Variants in NIPSNAP2 observed in about 807,000 individuals in gnomAD.
NIPSNAP2 encodes the protein nipsnap homolog 2, also known as protein NipSnap homolog 2.
In NIPSNAP2, 42 loss-of-function variants were observed where a neutral mutation model predicts 48.4. That is an observed-to-expected ratio of 0.87 (90% CI 0.68 to 1.12). The LOEUF is 1.12. Ranked by LOEUF, NIPSNAP2 falls within the 50% of genes most tolerant of loss-of-function variation. The probability of loss-of-function intolerance (pLI) is 0.00; values close to 1 mark genes in which losing one functional copy is unlikely to be tolerated. For synonymous variants in NIPSNAP2, 158 were observed against 126.6 expected (o/e 1.25, Z -1.67); for missense variants, 314 against 347.3 (o/e 0.90, Z 0.76).
At chr7:55,997,542 T>C in intron 9 of NIPSNAP2, 93 bp downstream of exon 9, 1 of 965,418 alleles carries the variant, frequency 1.0e-6, no homozygotes, top group Non-Finnish European at 1.7e-6. Context: ...TTTGTAATAG[T>C]ATGTTGCTAG....
intron 1 of NIPSNAP2, 48 bp downstream of exon 1, chr7:55,964,749 G>A (rs1160344703): frequency 2.8e-5 from 27 of 962,724 alleles, no homozygotes; most frequent in Non-Finnish European, 3.5e-5. Context: ...GGGCCGCCGC[G>A]AGGCGGAGGG....
chr7:55,995,116 G>T lies in NIPSNAP2; in HGVS notation c.712+128G>T, dbSNP rs1291598775. ...GCAAATCCGACGTCACAGAGGGACA[G>T]TCTGTACGGGGCTGTCTGGAACTAG... On this transcript the variant is annotated intron_variant, in intron 8 of 9. Transcript: ENST00000322090. 11 of 748,626 alleles carry T rather than the reference G, an allele frequency of 1.5e-5. No homozygotes were observed. In the African/African-American group the frequency reaches 1.7e-4, roughly 12 times the overall value. 46.4% of individuals were successfully genotyped at this position (748,626 alleles called of 1,614,324 possible). A position where few individuals can be genotyped will look rare whatever the true frequency, so the allele number is the denominator to read the frequency against.
intron 3 of NIPSNAP2, chr7:55,980,270 A>G (rs1414462209): frequency 4.8e-5 from 8 of 167,468 alleles, no homozygotes; most frequent in African/African-American, 1.7e-4. Context: ...TGTGGTCACT[A>G]TACTGGGTCA....
chr7:55,995,721 G>A (rs927474100), intron 8 of NIPSNAP2, among the ~76,000 whole-genome samples: 1 of 152,180 alleles, frequency 6.6e-6, no homozygotes, highest in African/African-American at 2.4e-5. Context: ...ACCTGTAGCT[G>A]CCCGGAGAGG....
rs1787138096 is a variant in NIPSNAP2, at chr7:55,978,115, T to C, written c.93-11T>C. ...AGTATACTGCGTGACAACACCTTTG[T>C]TATTCCATAGGACATGGACATCTTC... is the stretch of plus-strand genomic sequence containing the variant. On this transcript the variant is annotated splice_polypyrimidine_tract_variant and intron_variant, in intron 1 of 9. Transcript: ENST00000322090. The C allele has an allele frequency of 1.2e-6, 2 of 1,613,868 alleles. No individual in the cohort carries two copies.
At position 55,982,101 on chromosome 7, in the gene NIPSNAP2, A is replaced by G. The variant is rs954731292; in HGVS notation, c.374-109A>G. 4.8e-6 allele frequency: 3 copies of G among 627,256 alleles called. No homozygotes were observed. The Admixed American group carries it at 8.0e-5, about 17-fold the overall frequency. 38.9% of individuals were successfully genotyped at this position (627,256 alleles called of 1,614,324 possible). A position where few individuals can be genotyped will look rare whatever the true frequency, so the allele number is the denominator to read the frequency against. On this transcript the variant is annotated intron_variant, in intron 4 of 9. Coordinates refer to ENST00000322090, the MANE Select transcript of NIPSNAP2 (RefSeq NM_001483.3). ...GGATTACAGGCATGAGCCACCACAC[A>G]CCCAGCCTACAGTTTTGTGCTGTGT...
chr7:55,973,109 GAAAA>G, intron 1 of NIPSNAP2, among the ~76,000 whole-genome samples: 1 of 135,830 alleles, frequency 7.4e-6, no homozygotes, highest in Non-Finnish European at 1.7e-5. Context: ...CTGTCTCAAA[GAAAA>G]AAAAAATACA....
At chr7:55,998,380 A>G (rs1787608728) in intron 9 of NIPSNAP2, among the ~76,000 whole-genome samples, 1 of 151,902 alleles carries the variant, frequency 6.6e-6, no homozygotes, top group African/African-American at 2.4e-5. Flanking sequence ...TTATAATTAT[A>G]TAATTGTATT....
chr7:55,969,855 C>T (rs943323266), intron 1 of NIPSNAP2, among the ~76,000 whole-genome samples: 7 of 151,722 alleles, frequency 4.6e-5, no homozygotes, highest in Non-Finnish European at 8.8e-5. Flanking sequence ...TGGTGGTGGG[C>T]GCCTGTAGTC....
chr7:55,987,588 A>C (rs1787357600), intron 7 of NIPSNAP2, among the ~76,000 whole-genome samples: 1 of 152,184 alleles, frequency 6.6e-6, no homozygotes, highest in African/African-American at 2.4e-5. Context: ...AGATCGCGCC[A>C]CTGCCCTCCA....
At chr7:55,985,575 C>A (rs1384086978) in intron 7 of NIPSNAP2, among the ~76,000 whole-genome samples, 1 of 151,434 alleles carries the variant, frequency 6.6e-6, no homozygotes. Context: ...CCAACCTCTA[C>A]CAAAATAAAT....
chr7:55,967,567 A>T (rs1786922004), intron 1 of NIPSNAP2, among the ~76,000 whole-genome samples: 1 of 151,902 alleles, frequency 6.6e-6, no homozygotes, highest in Admixed American at 6.6e-5. Flanking sequence ...TCCGGACTTA[A>T]GGGATCTTCC....
intron 3 of NIPSNAP2, chr7:55,979,156 T>C (rs550930366): frequency 6.6e-6 from 1 of 152,426 alleles, no homozygotes; most frequent in Admixed American, 6.5e-5. Flanking sequence ...TTTATTGTTT[T>C]GTTTTTGAAG....
chr7:55,987,007 A>AC (rs1272066248), intron 7 of NIPSNAP2, among the ~76,000 whole-genome samples: 6 of 127,898 alleles, frequency 4.7e-5, no homozygotes, highest in Non-Finnish European at 9.1e-5. Context: ...AAAAAAAAAA[A>AC]AAACTTGCCA....
At position 55,983,868 on chromosome 7, in the gene NIPSNAP2, A is replaced by C; in HGVS notation, c.585A>C (p.Arg195=). 1 of 1,612,442 alleles carries C rather than the reference A, an allele frequency of 6.2e-7. No individual in the cohort carries two copies. The highest frequency in any genetic ancestry group is 8.5e-7 in the Non-Finnish European group (1 of 1,179,498). Residue 195 remains arginine, a splice_region_variant and synonymous_variant, in exon 6 of 10, where the codon CGA becomes CGC. Transcript: ENST00000322090. ...NIYELRSYQL[R]PGTMIEWGNY... Reference sequence around the variant, plus strand: ...ATGAACTCAGGTCTTACCAACTCCGAGTAAGTACAGAAATATAAGTTATTC... The same window carrying C: ...ATGAACTCAGGTCTTACCAACTCCGCGTAAGTACAGAAATATAAGTTATTC...
At chr7:55,968,042 C>T (rs1057451260) in intron 1 of NIPSNAP2, among the ~76,000 whole-genome samples, 2 of 152,034 alleles carry the variant, frequency 1.3e-5, no homozygotes, top group African/African-American at 2.4e-5. Context: ...TCCCACCCTC[C>T]GCCTCCCAAA....
chr7:55,965,372 C>A (rs1030997871), intron 1 of NIPSNAP2, among the ~76,000 whole-genome samples: 2 of 151,678 alleles, frequency 1.3e-5, no homozygotes, highest in African/African-American at 4.8e-5. Flanking sequence ...GTGGATTGGA[C>A]GTTTGGTTGT....
intron 8 of NIPSNAP2, among the ~76,000 whole-genome samples, chr7:55,996,523 A>G (rs1046146034): frequency 1.3e-5 from 2 of 151,872 alleles, no homozygotes; most frequent in South Asian, 2.1e-4. Flanking sequence ...ACTCTCCACA[A>G]CTGACCTCGC....
At chr7:55,997,098 G>A (rs113666170) in intron 8 of NIPSNAP2, among the ~76,000 whole-genome samples, 3 of 151,796 alleles carry the variant, frequency 2.0e-5, no homozygotes, top group African/African-American at 7.2e-5. Flanking sequence ...GGTCAAGGCC[G>A]TGGTGAAACA....
Sources: allele counts gnomAD v4.1 joint callset (sites outside exome capture counted in the v4.1 genomes callset), GRCh38; gene constraint gnomAD v4.1.1; transcripts MANE v1.5; gene names NCBI Gene and HGNC (gene_info 2026-07-23, HGNC 2026-07-21).